Variants in PACSIN2 observed in about 807,000 individuals in gnomAD.
PACSIN2 encodes the protein protein kinase C and casein kinase substrate in neurons protein 2.
In PACSIN2, 25 loss-of-function variants were observed where a neutral mutation model predicts 63.8. The ratio of observed to expected loss-of-function variants is 0.39; its 90% CI spans 0.29 to 0.55. The LOEUF is 0.55. Among genes scored for constraint, PACSIN2 ranks in the 20% least tolerant of loss-of-function variants. PACSIN2 has a pLI of 0.62. For synonymous variants in PACSIN2, 255 were observed against 256.2 expected, an observed-to-expected ratio of 1.00 and a Z score of 0.05; for missense variants, 518 against 646.9, an observed-to-expected ratio of 0.80 and a Z score of 2.16.
At chr22:42,925,981 A>AC (rs922213804) in intron 1 of PACSIN2, among the ~76,000 whole-genome samples, 2 of 152,018 alleles carry the variant, frequency 1.3e-5, no homozygotes, top group African/African-American at 2.4e-5. Flanking sequence ...CACCCAGGTC[A>AC]CCCCCTATAA....
intron 1 of PACSIN2, among the ~76,000 whole-genome samples, chr22:42,990,467 C>G (rs112049144): frequency 6.6e-6 from 1 of 152,164 alleles, no homozygotes; most frequent in African/African-American, 2.4e-5. Context: ...ACAAACAGGT[C>G]GGTCATACCA....
At chr22:42,956,589 T>G (rs1380448563) in intron 1 of PACSIN2, among the ~76,000 whole-genome samples, 2 of 152,266 alleles carry the variant, frequency 1.3e-5, no homozygotes, top group Middle Eastern at 3.4e-3. Flanking sequence ...TACCAAACTC[T>G]AAGGGCCTAG....
Position 42,918,344 on chromosome 22 carries a change from G to C in PACSIN2, c.-77-6187C>G, listed in dbSNP as rs1931947690. 2.6e-5 allele frequency among the ~76,000 whole-genome samples: 4 copies of C among 152,186 alleles called. No individual in the cohort carries two copies. In the South Asian group the frequency reaches 8.3e-4, roughly 32 times the overall value. ...GTCTGCCATGTTTGCATCAAACCAAGCAAGACTGCTCCACCTGGGAGCCCA... is the reference window on the plus strand; with the variant it reads ...GTCTGCCATGTTTGCATCAAACCAACCAAGACTGCTCCACCTGGGAGCCCA... On this transcript the variant is annotated intron_variant, in intron 1 of 10. Coordinates refer to ENST00000263246, the MANE Select transcript of PACSIN2 (RefSeq NM_001184970.3).
At chr22:43,014,239 C>A (rs1389362337) in intron 1 of PACSIN2, among the ~76,000 whole-genome samples, 2 of 151,756 alleles carry the variant, frequency 1.3e-5, no homozygotes, top group African/African-American at 2.4e-5. Flanking sequence ...TGAGGAGGGT[C>A]ACAAGGGCAA....
intron 1 of PACSIN2, among the ~76,000 whole-genome samples, chr22:43,010,902 T>G (rs1924446756): frequency 6.6e-6 from 1 of 152,226 alleles, no homozygotes; most frequent in Non-Finnish European, 1.5e-5. Context: ...GTGCTTTTCA[T>G]CAAAATGTCA....
At position 42,883,921 on chromosome 22, in the gene PACSIN2, T is replaced by A. The variant is rs577131627; in HGVS notation, c.785+465A>T. Among the ~76,000 whole-genome samples the A allele has an allele frequency of 5.3e-5, 8 of 152,184 alleles. No homozygotes were observed. The East Asian group carries it at 1.5e-3, about 29-fold the overall frequency. ...CGGGAGGCTGAGGCAGGAGAACTGC[T>A]TGAAACCAGAAGGTGGAGGAGGTTG... On this transcript the variant is annotated intron_variant, in intron 6 of 10. Coordinates refer to ENST00000263246, the MANE Select transcript of PACSIN2 (RefSeq NM_001184970.3).
At chr22:42,874,826 TTC>T (rs1928464071) in intron 10 of PACSIN2, among the ~76,000 whole-genome samples, 1 of 151,648 alleles carries the variant, frequency 6.6e-6, no homozygotes, top group South Asian at 2.1e-4. Flanking sequence ...ACCTCACTAT[TTC>T]TGAGTCTTGG....
chr22:42,959,299 C>A (rs182410032), intron 1 of PACSIN2, among the ~76,000 whole-genome samples: 1 of 152,302 alleles, frequency 6.6e-6, no homozygotes, highest in African/African-American at 2.4e-5. Flanking sequence ...AAGAAAATGG[C>A]AGCATGTAAT....
intron 1 of PACSIN2, among the ~76,000 whole-genome samples, chr22:42,991,829 A>C (rs968778714): frequency 7.5e-6 from 1 of 133,796 alleles, no homozygotes; most frequent in African/African-American, 2.9e-5. Context: ...AAAAAAAAAA[A>C]ACCTTCAATT....
intron 1 of PACSIN2, among the ~76,000 whole-genome samples, chr22:42,978,440 A>G (rs771315266): frequency 7.9e-5 from 12 of 152,246 alleles, no homozygotes; most frequent in Non-Finnish European, 1.2e-4. Context: ...TACACGCAAC[A>G]CAAGAAGAGC....
At chr22:42,997,242 G>A (rs532452257) in intron 1 of PACSIN2, among the ~76,000 whole-genome samples, 7 of 152,352 alleles carry the variant, frequency 4.6e-5, no homozygotes, top group East Asian at 1.9e-4. Context: ...CATGGCAGGC[G>A]TTCAAAAATT....
intron 1 of PACSIN2, among the ~76,000 whole-genome samples, chr22:42,930,959 A>C (rs893970262): frequency 1.3e-5 from 2 of 152,138 alleles, no homozygotes; most frequent in African/African-American, 4.8e-5. Flanking sequence ...CGTGTGCGTG[A>C]CTCTGAAGAG....
intron 1 of PACSIN2, among the ~76,000 whole-genome samples, chr22:42,972,436 T>C (rs1601593251): frequency 1.3e-5 from 2 of 152,028 alleles, no homozygotes; most frequent in Non-Finnish European, 2.9e-5. Flanking sequence ...CTGCTGACCT[T>C]CCCTCCACTA....
chr22:42,874,326 A>AC (rs1316967496), intron 10 of PACSIN2, among the ~76,000 whole-genome samples: 1 of 143,718 alleles, frequency 7.0e-6, no homozygotes, highest in East Asian at 1.9e-4. Flanking sequence ...TCTCTATTAA[A>AC]AAAAAAAAAA....
At chr22:42,875,423 A>G (rs896973369) in intron 10 of PACSIN2, among the ~76,000 whole-genome samples, 1 of 151,988 alleles carries the variant, frequency 6.6e-6, no homozygotes, top group Non-Finnish European at 1.5e-5. Context: ...AGGTTGGAGT[A>G]TAGTGGTACA....
chr22:42,942,445 G>C (rs934527935), intron 1 of PACSIN2, among the ~76,000 whole-genome samples: 4 of 152,084 alleles, frequency 2.6e-5, no homozygotes, highest in Non-Finnish European at 4.4e-5. Context: ...AATCCAAGGT[G>C]ACAAAGACTT....
At chr22:43,013,450 G>T (rs1296966097) in intron 1 of PACSIN2, among the ~76,000 whole-genome samples, 3 of 152,244 alleles carry the variant, frequency 2.0e-5, no homozygotes, top group African/African-American at 7.2e-5. Flanking sequence ...CCACACAAGT[G>T]AAAGTTTTCC....
rs1928128427 is a variant in PACSIN2 at position 42,871,535 on chromosome 22, A to AT, written c.1349-67dup. On this transcript the variant is annotated intron_variant, in intron 10 of 10. Coordinates refer to ENST00000263246, the MANE Select transcript of PACSIN2 (RefSeq NM_001184970.3). The surrounding 1 kb of genome is among the most constrained non-coding windows in gnomAD (Gnocchi z 5.4). ...CACCGACGGTGGGCTACAGAGCCGC[A>AT]TTCACGAGCTTTGAGCCCACAGAGG... is the stretch of plus-strand genomic sequence containing the variant. 3 of 1,270,544 alleles carry AT rather than the reference A, an allele frequency of 2.4e-6. No homozygotes were observed. The East Asian group carries it at 6.9e-5, about 29-fold the overall frequency. 78.7% of individuals were successfully genotyped at this position (1,270,544 alleles called of 1,614,324 possible).
intron 5 of PACSIN2, 85 bp downstream of exon 5, chr22:42,888,558 C>G: frequency 7.4e-7 from 1 of 1,349,924 alleles, no homozygotes; most frequent in Non-Finnish European, 1.1e-6. Flanking sequence ...CCCATTCACC[C>G]AAGCAGTTAC....
Sources: gnomAD v4.1 joint callset for allele counts (sites outside exome capture counted in the v4.1 genomes callset) on GRCh38, gnomAD v4.1.1 for gene constraint, Gnocchi (gnomAD v3.1) non-coding constraint, MANE v1.5 for transcripts, NCBI Gene and HGNC (gene_info 2026-07-23, HGNC 2026-07-21) for gene names.